The following RAP1A variants were observed in gnomAD, a reference collection of about 807,000 sequenced individuals.
RAP1A encodes the protein ras-related protein Rap-1A.
A neutral mutation model predicts 26.4 loss-of-function variants in RAP1A; 6 were observed. The observed-to-expected ratio is 0.23, with a 90% CI of 0.12 to 0.45. RAP1A has a LOEUF of 0.45. Ranked by LOEUF, RAP1A falls within the 20% of genes least tolerant of loss-of-function variation. The pLI, the probability that RAP1A is intolerant of heterozygous loss-of-function variation, is 0.99. For missense variants in RAP1A, 121 were observed against 217.2 expected (o/e 0.56, Z 2.78); for synonymous variants, 73 against 79.4 (o/e 0.92, Z 0.43).
At chr1:111,554,009 A>G (rs1055214361) in intron 1 of RAP1A, among the ~76,000 whole-genome samples, 1 of 152,270 alleles carries the variant, frequency 6.6e-6, no homozygotes, top group Non-Finnish European at 1.5e-5. Flanking sequence ...GGCACAAAGC[A>G]GAAATGGAAT....
chr1:111,627,331 C>T (rs567390557), intron 1 of RAP1A: 5 of 151,278 alleles, frequency 3.3e-5, no homozygotes, highest in African/African-American at 1.2e-4. Context: ...ACTTTTTTTT[C>T]CTGAATGGGA....
chr1:111,568,243 G>T (rs1054842691), intron 1 of RAP1A, among the ~76,000 whole-genome samples: 2 of 152,172 alleles, frequency 1.3e-5, no homozygotes, highest in African/African-American at 2.4e-5. Flanking sequence ...TTGGTTCATG[G>T]TTCTGCAGGC....
intron 1 of RAP1A, among the ~76,000 whole-genome samples, chr1:111,657,817 G>C (rs1348147653): frequency 6.6e-6 from 1 of 151,958 alleles, no homozygotes; most frequent in African/African-American, 2.4e-5. Context: ...AATATGTTGT[G>C]TTTTCATTTT....
chr1:111,631,976 A>AT (rs571704117), intron 1 of RAP1A, among the ~76,000 whole-genome samples: 10 of 151,852 alleles, frequency 6.6e-5, no homozygotes, highest in African/African-American at 2.2e-4. Context: ...TTATATCTTA[A>AT]TTTTTTTTGT....
intron 1 of RAP1A, among the ~76,000 whole-genome samples, chr1:111,555,362 T>TAAAAAAAAAAAAAAAA (rs397981230): frequency 6.3e-5 from 3 of 47,640 alleles, no homozygotes; most frequent in Admixed American, 3.2e-4. Flanking sequence ...TGAGACTCTG[T>TAAAAAAAAAAAAAAAA]AAAAAAAAAA....
At chr1:111,688,149 C>G (rs900276524) in intron 1 of RAP1A, among the ~76,000 whole-genome samples, 5 of 115,374 alleles carry the variant, frequency 4.3e-5, no homozygotes, top group African/African-American at 1.7e-4. Flanking sequence ...TGGGAAAAAT[C>G]TTTTACTTTC....
rs532566229 is a variant in RAP1A at position 111,666,031 on chromosome 1, A to T, written c.-27-25303A>T. 3.1e-4 allele frequency among the ~76,000 whole-genome samples: 47 copies of T among 152,356 alleles called. 1 individual carries two copies. Among genetic ancestry groups the T allele is most frequent in the African/African-American group, 1.1e-3 (46 of 41,586 alleles). On this transcript the variant is annotated intron_variant, in intron 1 of 7. Coordinates refer to ENST00000369709, the MANE Select transcript of RAP1A (RefSeq NM_002884.4). ...TGAAGAGAGAAGATGGCTCAATCTG[A>T]TGACATACGTAACCGTGATGACTGA...
chr1:111,620,133 G>A (rs1659143282), intron 1 of RAP1A, among the ~76,000 whole-genome samples, 199 bp downstream of exon 1: 1 of 152,118 alleles, frequency 6.6e-6, no homozygotes, highest in South Asian at 2.1e-4. Flanking sequence ...CCCGGCCGCC[G>A]CCAGGGCCAG....
chr1:111,689,187 A>C (rs1478942337), intron 1 of RAP1A, among the ~76,000 whole-genome samples: 1 of 152,040 alleles, frequency 6.6e-6, no homozygotes, highest in African/African-American at 2.4e-5. Flanking sequence ...CTTCAAATGC[A>C]CTGCTCCCCA....
intron 1 of RAP1A, among the ~76,000 whole-genome samples, chr1:111,552,520 C>T (rs543532018): frequency 2.0e-5 from 3 of 152,238 alleles, no homozygotes; most frequent in East Asian, 3.9e-4. Context: ...TTCAGAGTAC[C>T]TTACTCTACC....
intron 1 of RAP1A, among the ~76,000 whole-genome samples, chr1:111,657,247 G>A (rs1660490770): frequency 6.6e-6 from 1 of 152,126 alleles, no homozygotes; most frequent in East Asian, 1.9e-4. Flanking sequence ...TCCCCATGTG[G>A]GTTGCAGTCA....
At chr1:111,688,996 A>G (rs1028287955) in intron 1 of RAP1A, among the ~76,000 whole-genome samples, 3 of 151,714 alleles carry the variant, frequency 2.0e-5, no homozygotes, top group Non-Finnish European at 4.4e-5. Context: ...CACCACGCTC[A>G]GCTAATTTTT....
chr1:111,679,074 A>T (rs1347987923), intron 1 of RAP1A, among the ~76,000 whole-genome samples: 1 of 152,176 alleles, frequency 6.6e-6, no homozygotes, highest in East Asian at 1.9e-4. Flanking sequence ...AGCTCTTAAG[A>T]ATGTAAAAGT....
chr1:111,557,351 A>T (rs1657536329), intron 1 of RAP1A, among the ~76,000 whole-genome samples: 1 of 152,186 alleles, frequency 6.6e-6, no homozygotes, highest in African/African-American at 2.4e-5. Flanking sequence ...GATCAAGACC[A>T]TCCTGGCTAA....
chr1:111,596,437 A>C (rs571931344), intron 1 of RAP1A, among the ~76,000 whole-genome samples: 100 of 152,352 alleles, frequency 6.6e-4, no homozygotes, highest in African/African-American at 2.3e-3. Context: ...TTTTAAAGGA[A>C]TGGTTAAATT....
At chr1:111,636,724 C>A (rs897662890) in intron 1 of RAP1A, among the ~76,000 whole-genome samples, 2 of 152,028 alleles carry the variant, frequency 1.3e-5, no homozygotes, top group African/African-American at 4.8e-5. Flanking sequence ...GTGATCCACC[C>A]GCCTTGGCCT....
At chr1:111,547,522 C>G (rs906355729) in intron 1 of RAP1A, among the ~76,000 whole-genome samples, 7 of 152,100 alleles carry the variant, frequency 4.6e-5, no homozygotes, top group Non-Finnish European at 7.4e-5. Context: ...CAACATTAAG[C>G]TCCATCAATT....
chr1:111,583,914 TC>T (rs1251426086), intron 1 of RAP1A, among the ~76,000 whole-genome samples: 3 of 139,186 alleles, frequency 2.2e-5, no homozygotes, highest in Non-Finnish European at 3.0e-5. Context: ...AGAGTCTCAC[TC>T]TGTTGCCCAG....
intron 1 of RAP1A, among the ~76,000 whole-genome samples, chr1:111,560,858 C>T (rs13376212): frequency 6.6e-6 from 1 of 152,046 alleles, no homozygotes; most frequent in East Asian, 1.9e-4. Flanking sequence ...TCTCCATCCT[C>T]CCAAATCCTT....
Sources: gnomAD v4.1 joint callset for allele counts (sites outside exome capture counted in the v4.1 genomes callset) on GRCh38, gnomAD v4.1.1 for gene constraint, MANE v1.5 for transcripts, NCBI Gene and HGNC (gene_info 2026-07-23, HGNC 2026-07-21) for gene names.